Variants in INPP4A observed in about 807,000 individuals in gnomAD.
INPP4A encodes the protein inositol polyphosphate-4-phosphatase, type I, 107kD.
A neutral mutation model predicts 119.8 loss-of-function variants in INPP4A; 33 were observed. That is an observed-to-expected ratio of 0.28 (90% confidence interval 0.21 to 0.37). INPP4A has a LOEUF of 0.37. Among genes scored for constraint, INPP4A ranks in the 10% least tolerant of loss-of-function variants. The probability of loss-of-function intolerance (pLI) is 1.00; values close to 1 mark genes in which losing one functional copy is unlikely to be tolerated. For missense variants in INPP4A, 956 were observed against 1,289.9 expected (o/e 0.74, Z 3.97); for synonymous variants, 496 against 500.7 (o/e 0.99, Z 0.12).
chr2:98,473,707 G>A (rs938968956), intron 1 of INPP4A, among the ~76,000 whole-genome samples: 2 of 152,092 alleles, frequency 1.3e-5, no homozygotes, highest in African/African-American at 2.4e-5. Flanking sequence ...GTGGGTGGGC[G>A]GATGGCACCC....
At chr2:98,526,396 T>A (rs748169163) in intron 4 of INPP4A, among the ~76,000 whole-genome samples, 5 of 152,206 alleles carry the variant, frequency 3.3e-5, no homozygotes, top group Non-Finnish European at 7.3e-5. Flanking sequence ...TTCATGAAGA[T>A]ACATGAGAAG....
At chr2:98,568,807 C>G (rs968439237) in intron 22 of INPP4A, 139 bp downstream of exon 22, 2 of 635,606 alleles carry the variant, frequency 3.1e-6, no homozygotes, top group African/African-American at 3.6e-5. Flanking sequence ...CCTAAACACA[C>G]ACACGCAGAG....
chr2:98,559,043 G>C (rs985588592), intron 16 of INPP4A, among the ~76,000 whole-genome samples: 2 of 152,214 alleles, frequency 1.3e-5, no homozygotes, highest in African/African-American at 2.4e-5. Flanking sequence ...CGTGGAACAC[G>C]CCGTGTACTG....
In INPP4A at chr2:98,570,021, C is replaced by T. The variant is rs1204962115; in HGVS notation, c.2518+1353C>T. 6.6e-6 allele frequency among the ~76,000 whole-genome samples: 1 copy of T among 152,124 alleles called. No homozygotes were observed. The highest frequency in any genetic ancestry group is 1.5e-5 in the Non-Finnish European group (1 of 68,014). ...CTGAGGATGCACTCCTCAGCGGCCACGTGCAGCTGGCGCTGGGGAGGTGAG... is the reference window on the plus strand; with the variant it reads ...CTGAGGATGCACTCCTCAGCGGCCATGTGCAGCTGGCGCTGGGGAGGTGAG... On this transcript the variant is annotated intron_variant, in intron 22 of 24. Transcript: ENST00000409851. This position sits in a 1 kb window ranked among gnomAD's most constrained non-coding sequence, Gnocchi z 4.3.
intron 1 of INPP4A, among the ~76,000 whole-genome samples, chr2:98,455,315 G>T (rs1021021318): frequency 2.6e-5 from 4 of 151,982 alleles, no homozygotes; most frequent in African/African-American, 9.7e-5. Context: ...TCCAACCTGG[G>T]TGACAGAGTG....
intron 13 of INPP4A, among the ~76,000 whole-genome samples, chr2:98,549,237 C>T (rs1284914245): frequency 6.6e-6 from 1 of 152,112 alleles, no homozygotes; most frequent in African/African-American, 2.4e-5. Context: ...CTGTTTCTCC[C>T]AGGAAGAGGA....
At chr2:98,497,994 A>C (rs1682375792) in intron 1 of INPP4A, among the ~76,000 whole-genome samples, 1 of 152,206 alleles carries the variant, frequency 6.6e-6, no homozygotes, top group African/African-American at 2.4e-5. Flanking sequence ...GCTCATAGGC[A>C]GAAGGGACGT....
intron 17 of INPP4A, among the ~76,000 whole-genome samples, chr2:98,560,212 G>A (rs1442538019): frequency 1.3e-5 from 2 of 152,170 alleles, no homozygotes; most frequent in Non-Finnish European, 2.9e-5. Context: ...CAAATAATAT[G>A]ATTTGATGTT....
Position 98,587,587 on chromosome 2 carries a change from T to A in INPP4A, c.2898T>A (p.Thr966=). 1 of 1,598,864 alleles carries A rather than the reference T, an allele frequency of 6.3e-7. No homozygotes were observed. The highest frequency in any genetic ancestry group is 2.2e-5 in the East Asian group (1 of 44,512). The change falls in exon 25 of 25, where the codon ACT becomes ACA. Residue 966 remains threonine (T), a synonymous_variant. Transcript: ENST00000409851. ...AGCATTACAGGCCTCCCGAAGGGACTTACGGAAAAGTTGAAACGTGAACAC... is the reference window on the plus strand; with the variant it reads ...AGCATTACAGGCCTCCCGAAGGGACATACGGAAAAGTTGAAACGTGAACAC... The part of the protein sequence containing the change: ...FPKHYRPPEG[T]YGKVET
chr2:98,527,372 A>G (rs557137727), intron 4 of INPP4A, among the ~76,000 whole-genome samples: 2 of 152,354 alleles, frequency 1.3e-5, no homozygotes, highest in Non-Finnish European at 2.9e-5. Flanking sequence ...ATGTTTGTCA[A>G]AAACAATCAC....
chr2:98,446,057 A>G (rs1694126722), intron 1 of INPP4A, among the ~76,000 whole-genome samples: 1 of 152,232 alleles, frequency 6.6e-6, no homozygotes, highest in South Asian at 2.1e-4. Flanking sequence ...TGTGTGGACC[A>G]TGGGGAAGCC....
intron 6 of INPP4A, 34 bp from the exon 7 acceptor site, chr2:98,536,095 C>T (rs779428963): frequency 7.1e-7 from 1 of 1,409,802 alleles, no homozygotes; most frequent in South Asian, 1.2e-5. Flanking sequence ...AAAGCAAGCG[C>T]ACCAATGCTG....
intron 1 of INPP4A, among the ~76,000 whole-genome samples, chr2:98,468,910 T>C (rs1675367801): frequency 7.1e-6 from 1 of 139,880 alleles, no homozygotes. Context: ...GTTGCTGAGA[T>C]GGCTTTGAGC....
At chr2:98,492,183 A>G (rs765168455) in intron 1 of INPP4A, among the ~76,000 whole-genome samples, 2 of 152,048 alleles carry the variant, frequency 1.3e-5, no homozygotes, top group Non-Finnish European at 2.9e-5. Flanking sequence ...GCCACCGACA[A>G]CTGCATTTTT....
intron 11 of INPP4A, 25 bp downstream of exon 11, chr2:98,544,032 C>T: frequency 6.5e-7 from 1 of 1,544,184 alleles, no homozygotes; most frequent in Non-Finnish European, 8.7e-7. Flanking sequence ...ATGCTGTCAC[C>T]ACACACGCGT....
At chr2:98,555,462 G>C in intron 15 of INPP4A, 91 bp from the exon 16 acceptor site, 1 of 1,365,278 alleles carries the variant, frequency 7.3e-7, no homozygotes, top group South Asian at 1.5e-5. Context: ...GAAGCCTAGG[G>C]CAGGGGATCA....
chr2:98,540,684 G>A (rs552751998), intron 10 of INPP4A, among the ~76,000 whole-genome samples: 12 of 152,222 alleles, frequency 7.9e-5, no homozygotes, highest in African/African-American at 1.2e-4. Flanking sequence ...CAGCAAGAGC[G>A]CTCTTGAGAG....
In INPP4A at chr2:98,523,375, GTTTTGT is replaced by G. The variant is rs1233836707; in HGVS notation, c.151+2661_151+2666del. 3.3e-5 allele frequency among the ~76,000 whole-genome samples: 5 copies of G among 151,302 alleles called. 1 individual carries two copies. The highest frequency in any genetic ancestry group is 7.4e-5 in the Non-Finnish European group (5 of 67,786). On this transcript the variant is annotated intron_variant, in intron 4 of 24. Transcript: ENST00000409851. ...AGTGAATTTTACCCCAGTTTTTTTTGTTTTGTTTTTGTTTTTGTTTTTTTGTTTTTT... is the reference window on the plus strand; with the variant it reads ...AGTGAATTTTACCCCAGTTTTTTTTGTTTTGTTTTTGTTTTTTTGTTTTTT...
At chr2:98,526,887 T>C (rs1688271595) in intron 4 of INPP4A, among the ~76,000 whole-genome samples, 1 of 152,106 alleles carries the variant, frequency 6.6e-6, no homozygotes, top group African/African-American at 2.4e-5. Flanking sequence ...TGCCACACAC[T>C]TAAACAAACA....
Sources: gnomAD v4.1 joint callset for allele counts (sites outside exome capture counted in the v4.1 genomes callset) on GRCh38, gnomAD v4.1.1 for gene constraint, Gnocchi (gnomAD v3.1) non-coding constraint, MANE v1.5 for transcripts, NCBI Gene and HGNC (gene_info 2026-07-23, HGNC 2026-07-21) for gene names.